Variants in AGMO observed in about 807,000 individuals in gnomAD.
AGMO encodes glyceryl-ether monooxygenase.
In AGMO, 75 loss-of-function variants were observed where a neutral mutation model predicts 60.2. The observed-to-expected ratio is 1.25, with a 90% CI of 1.03 to 1.51. The LOEUF is 1.51. AGMO is among the 40% of genes most tolerant of loss of function. The pLI is 0.00. For missense variants in AGMO, 763 were observed against 525.5 expected (o/e 1.45, Z -4.42); for synonymous variants, 261 against 177.1 (o/e 1.47, Z -3.76).
intron 12 of AGMO, among the ~76,000 whole-genome samples, chr7:15,321,925 T>C (rs2128538993): frequency 6.6e-6 from 1 of 152,170 alleles, no homozygotes; most frequent in East Asian, 1.9e-4. Flanking sequence ...GAGGTCTATT[T>C]AATACAATTT....
chr7:15,395,195 T>C (rs1381119342), intron 5 of AGMO, among the ~76,000 whole-genome samples: 1 of 152,212 alleles, frequency 6.6e-6, no homozygotes, highest in African/African-American at 2.4e-5. Flanking sequence ...TGACTCACTT[T>C]TAGGGTTAGC....
At chr7:15,547,549 G>C (rs946400871) in intron 2 of AGMO, among the ~76,000 whole-genome samples, 3 of 152,132 alleles carry the variant, frequency 2.0e-5, no homozygotes, top group Non-Finnish European at 4.4e-5. Flanking sequence ...TCAAAGAAAG[G>C]GGTGACAGAC....
At chr7:15,222,955 T>G (rs1781967059) in intron 12 of AGMO, among the ~76,000 whole-genome samples, 1 of 151,972 alleles carries the variant, frequency 6.6e-6, no homozygotes, top group South Asian at 2.1e-4. Context: ...TTTTCCAAAA[T>G]GTCTCAAAAT....
At chr7:15,250,038 T>C (rs886320263) in intron 12 of AGMO, among the ~76,000 whole-genome samples, 1 of 152,220 alleles carries the variant, frequency 6.6e-6, no homozygotes, top group Non-Finnish European at 1.5e-5. Flanking sequence ...TACATTCCAC[T>C]TGTGAATTTA....
At chr7:15,441,423 C>A (rs1207810304) in intron 3 of AGMO, among the ~76,000 whole-genome samples, 1 of 152,154 alleles carries the variant, frequency 6.6e-6, no homozygotes. Flanking sequence ...ACATTAACAC[C>A]GTGAGTTTGG....
At chr7:15,209,238 A>G (rs982993976) in intron 12 of AGMO, among the ~76,000 whole-genome samples, 1 of 152,178 alleles carries the variant, frequency 6.6e-6, no homozygotes, top group Non-Finnish European at 1.5e-5. Context: ...AGTTTTCAAT[A>G]CTTGATGTAC....
chr7:15,237,236 T>C (rs963798884), intron 12 of AGMO, among the ~76,000 whole-genome samples: 25 of 152,188 alleles, frequency 1.6e-4, no homozygotes, highest in South Asian at 4.1e-4. Flanking sequence ...CGTGGAGAAA[T>C]TGTGTTTACC....
chr7:15,346,695 G>A (rs7794258), intron 12 of AGMO, among the ~76,000 whole-genome samples: 83,807 of 150,934 alleles, frequency 0.56, 24,589 homozygotes, highest in African/African-American at 0.77. Context: ...CTCATTTTAA[G>A]TGTTATTCAA....
intron 3 of AGMO, among the ~76,000 whole-genome samples, chr7:15,437,446 G>A (rs1056477849): frequency 6.6e-6 from 1 of 151,096 alleles, no homozygotes; most frequent in African/African-American, 2.4e-5. Flanking sequence ...CCATATTTTT[G>A]TTCCACACAT....
At chr7:15,385,011 G>C (rs1783858311) in intron 10 of AGMO, among the ~76,000 whole-genome samples, 1 of 151,902 alleles carries the variant, frequency 6.6e-6, no homozygotes, top group Non-Finnish European at 1.5e-5. Flanking sequence ...GAATGTTTCA[G>C]AAATGTCAAA....
intron 12 of AGMO, among the ~76,000 whole-genome samples, chr7:15,359,632 G>C (rs1051870342): frequency 6.6e-6 from 1 of 152,070 alleles, no homozygotes; most frequent in African/African-American, 2.4e-5. Flanking sequence ...TATCTGCTGT[G>C]TCTTAGAGCC....
intron 12 of AGMO, among the ~76,000 whole-genome samples, chr7:15,329,100 C>T (rs1781427941): frequency 1.3e-5 from 2 of 152,144 alleles, no homozygotes; most frequent in Non-Finnish European, 2.9e-5. Context: ...CTTTGTTGTC[C>T]CACATATTGG....
chr7:15,122,191 G>C, the AGMO span, among the ~76,000 whole-genome samples: 1 of 151,950 alleles, frequency 6.6e-6, no homozygotes, highest in African/African-American at 2.4e-5. Flanking sequence ...AATCTCCAAG[G>C]AACTTAAACA....
intron 12 of AGMO, among the ~76,000 whole-genome samples, chr7:15,241,639 T>C (rs1782593272): frequency 6.6e-6 from 1 of 152,122 alleles, no homozygotes; most frequent in Non-Finnish European, 1.5e-5. Flanking sequence ...AGAGATTCAC[T>C]GGACTCTCAT....
intron 3 of AGMO, among the ~76,000 whole-genome samples, chr7:15,452,926 A>G (rs1323765412): frequency 6.6e-6 from 1 of 152,236 alleles, no homozygotes; most frequent in Non-Finnish European, 1.5e-5. Flanking sequence ...GTGCAGTGTG[A>G]ATGAACTTGG....
chr7:15,505,861 T>C (rs773392008), intron 3 of AGMO, among the ~76,000 whole-genome samples: 1 of 152,078 alleles, frequency 6.6e-6, no homozygotes, highest in Non-Finnish European at 1.5e-5. Flanking sequence ...CAAAAATTAC[T>C]ATCAGATGAG....
At chr7:15,414,683 A>G (rs916118910) in intron 5 of AGMO, among the ~76,000 whole-genome samples, 8 of 152,208 alleles carry the variant, frequency 5.3e-5, no homozygotes, top group Admixed American at 3.9e-4. Flanking sequence ...AAAGACCACA[A>G]AATTATGCAT....
chr7:15,142,285 T>C, the AGMO span, among the ~76,000 whole-genome samples: 4 of 152,160 alleles, frequency 2.6e-5, no homozygotes, highest in Non-Finnish European at 5.9e-5. Flanking sequence ...AGTTAGTTAT[T>C]ATTAGGGCCC....
At chr7:15,229,945 C>A (rs1782208382) in intron 12 of AGMO, among the ~76,000 whole-genome samples, 1 of 151,450 alleles carries the variant, frequency 6.6e-6, no homozygotes, top group Admixed American at 6.6e-5. Context: ...CATCTTGTAA[C>A]TCCCAACAAT....
Sources: allele counts gnomAD v4.1 joint callset (sites outside exome capture counted in the v4.1 genomes callset), GRCh38; gene constraint gnomAD v4.1.1; transcripts MANE v1.5; gene names NCBI Gene and HGNC (gene_info 2026-07-23, HGNC 2026-07-21).